The following DEGS1 variants were observed in gnomAD, a reference collection of about 807,000 sequenced individuals.
DEGS1 encodes delta 4-desaturase, sphingolipid 1, also known as sphingolipid delta(4)-desaturase DES1.
DEGS1 carries 17 observed loss-of-function variants against 24.1 expected under a neutral mutation model. That is an observed-to-expected ratio of 0.70 (90% CI 0.48 to 1.06). The LOEUF is 1.06. DEGS1 is among the 50% of genes least tolerant of loss of function. DEGS1 has a pLI of 0.00. For synonymous variants in DEGS1, 134 were observed against 140.0 expected, an observed-to-expected ratio of 0.96 and a Z score of 0.30; for missense variants, 366 against 408.9, an observed-to-expected ratio of 0.90 and a Z score of 0.91.
intron 1 of DEGS1, among the ~76,000 whole-genome samples, chr1:224,186,101 G>A (rs750903110): frequency 6.6e-6 from 1 of 151,852 alleles, no homozygotes. Flanking sequence ...TCAGGAGTTC[G>A]AGGCCAACCT....
intron 1 of DEGS1, among the ~76,000 whole-genome samples, chr1:224,189,079 T>C (rs1658466830): frequency 1.3e-5 from 2 of 152,198 alleles, no homozygotes; most frequent in South Asian, 4.1e-4. Context: ...TCCCTGATTA[T>C]ATTGGTAGCC....
At chr1:224,191,854 C>G (rs963032610) in intron 2 of DEGS1, among the ~76,000 whole-genome samples, 1 of 152,072 alleles carries the variant, frequency 6.6e-6, no homozygotes, top group African/African-American at 2.4e-5. Context: ...GCCTCGGCTT[C>G]CCAAAGTCCT....
chr1:224,187,398 A>T (rs749246814), intron 1 of DEGS1, among the ~76,000 whole-genome samples: 3 of 152,034 alleles, frequency 2.0e-5, no homozygotes, highest in African/African-American at 4.8e-5. Flanking sequence ...TTTTTGAGAG[A>T]GAGTCTCACT....
chr1:224,185,358 G>A (rs1658353556), intron 1 of DEGS1, among the ~76,000 whole-genome samples: 1 of 152,130 alleles, frequency 6.6e-6, no homozygotes, highest in South Asian at 2.1e-4. Context: ...TAGAGAAAGG[G>A]TCTTGCTTTG....
chr1:224,189,609 C>A lies in DEGS1; in HGVS notation c.115C>A (p.Pro39Thr), dbSNP rs749810295. 5 of 1,609,358 alleles carry A rather than the reference C, an allele frequency of 3.1e-6. No homozygotes were observed. The Admixed American group carries it at 8.5e-5, about 27-fold the overall frequency. ...KYPEIKSLMK[P>T]DPNLIWIIIM... is the part of the protein sequence containing the mutation. ...TCCAGAGATAAAGTCCTTGATGAAA[C>A]CTGATCCCAATTTGATATGGATTAT... Residue 39 changes from proline to threonine, a missense_variant, in exon 2 of 3, where the codon CCT (proline) becomes ACT (threonine). By Grantham distance (38) the Pro-to-Thr change is conservative. Transcript: ENST00000323699.
intron 1 of DEGS1, among the ~76,000 whole-genome samples, chr1:224,185,325 C>T (rs528107992): frequency 9.2e-5 from 14 of 152,224 alleles, no homozygotes; most frequent in African/African-American, 3.4e-4. Flanking sequence ...TCCTCCTCTT[C>T]TTCCTCCTCC....
Position 224,190,188 on chromosome 1 carries a change from G to A in DEGS1, c.694G>A (p.Glu232Lys). 1 of 1,565,998 alleles carries A rather than the reference G, an allele frequency of 6.4e-7. No individual in the cohort carries two copies. The highest frequency in any genetic ancestry group is 8.6e-7 in the Non-Finnish European group (1 of 1,159,860). The stretch of plus-strand genomic sequence containing the variant: ...CCCAATTTCTGGACATTTTATAGCT[G>A]AGCATTACATGTTCTTAAAGGGTCA... The part of the protein sequence containing the change: ...LHPISGHFIA[E>K]HYMFLKGHET... Residue 232 changes from glutamate to lysine, a missense_variant, in exon 2 of 3, where the codon GAG becomes AAG. Coordinates refer to ENST00000323699, the MANE Select transcript of DEGS1 (RefSeq NM_003676.4).
At chr1:224,188,963 G>C (rs1658463184) in intron 1 of DEGS1, among the ~76,000 whole-genome samples, 1 of 152,114 alleles carries the variant, frequency 6.6e-6, no homozygotes, top group Non-Finnish European at 1.5e-5. Context: ...TCTGTGATCT[G>C]TTTTGAGTTC....
chr1:224,184,782 T>C (rs1201909365), intron 1 of DEGS1, among the ~76,000 whole-genome samples: 1 of 151,854 alleles, frequency 6.6e-6, no homozygotes, highest in Non-Finnish European at 1.5e-5. Context: ...TCCCGAAGTT[T>C]TGGGATTACA....
At chr1:224,188,279 AAAT>A (rs772534043) in intron 1 of DEGS1, among the ~76,000 whole-genome samples, 1 of 152,166 alleles carries the variant, frequency 6.6e-6, no homozygotes, top group East Asian at 1.9e-4. Flanking sequence ...AGGTTCATTA[AAAT>A]AATATATTTT....
rs752015398 is a variant in DEGS1, at chr1:224,190,111, T to C, written c.617T>C (p.Ile206Thr). The C allele has an allele frequency of 1.9e-6, 3 of 1,613,550 alleles. No homozygotes were observed. The Admixed American group carries it at 5.0e-5, about 27-fold the overall frequency. ...FDILIYYFLG[I>T]KSLVYMLAAS... ...ATTTTAATTTATTACTTTTTGGGAA[T>C]TAAATCCTTAGTCTACATGTTGGCA... is the stretch of plus-strand genomic sequence containing the variant. Residue 206 changes from isoleucine to threonine, a missense_variant, in exon 2 of 3, where the codon ATT (isoleucine) becomes ACT (threonine). Physicochemically the swap from Ile to Thr is moderately conservative, Grantham distance 89 (BLOSUM62 -1). Coordinates refer to ENST00000323699, the MANE Select transcript of DEGS1 (RefSeq NM_003676.4).
chr1:224,183,533 C>A lies in DEGS1; in HGVS notation c.82+115C>A, dbSNP rs533597333. 2.7e-5 allele frequency: 21 copies of A among 783,736 alleles called. No homozygotes were observed. The South Asian group carries it at 1.2e-3, about 45-fold the overall frequency. The allele number at this position is 783,736 out of a possible 1,614,324, so 48.5% of individuals were successfully genotyped here. A position where few individuals can be genotyped will look rare whatever the true frequency, so the allele number is the denominator to read the frequency against. On this transcript the variant is annotated intron_variant, in intron 1 of 2. Transcript: ENST00000323699. Reference sequence around the variant, plus strand: ...GCGCCGGAGGCCCGTTAGCAGCCTGCTCCCCGTCGCGTCCCGTCGCCGCTC... The same window carrying A: ...GCGCCGGAGGCCCGTTAGCAGCCTGATCCCCGTCGCGTCCCGTCGCCGCTC...
rs535361911 is a variant in DEGS1 at position 224,186,523 on chromosome 1, C to G, written c.83-3054C>G. Reference sequence around the variant, plus strand: ...GGTCAGGAGATCGAGACCATCCTGGCTAACACGGTGAAACCCCATCTCTAC... The same window carrying G: ...GGTCAGGAGATCGAGACCATCCTGGGTAACACGGTGAAACCCCATCTCTAC... On this transcript the variant is annotated intron_variant, in intron 1 of 2. Coordinates refer to ENST00000323699, the MANE Select transcript of DEGS1 (RefSeq NM_003676.4). Among the ~76,000 whole-genome samples, 74 of 152,122 alleles carry G rather than the reference C, an allele frequency of 4.9e-4. 1 individual carries two copies. The highest frequency in any genetic ancestry group is 1.8e-3 in the Admixed American group (27 of 15,272).
chr1:224,190,444 A>G (rs1658508945), intron 2 of DEGS1, 125 bp downstream of exon 2: 7 of 780,854 alleles, frequency 9.0e-6, no homozygotes, highest in South Asian at 7.0e-5. Context: ...TGTAACCTCC[A>G]CCTCCCGGGT....
chr1:224,189,459 G>T, intron 1 of DEGS1, 118 bp from the exon 2 acceptor site: 1 of 722,192 alleles, frequency 1.4e-6, no homozygotes, highest in Non-Finnish European at 2.2e-6. Context: ...CTCTAGTAAA[G>T]GGAATATGAT....
chr1:224,183,504 G>A lies in DEGS1; in HGVS notation c.82+86G>A, dbSNP rs376334254. On this transcript the variant is annotated intron_variant, in intron 1 of 2. Transcript: ENST00000323699. ...CTCCCCTCGCGGGCCCTGCGCGGTC[G>A]TGGGCGCCGGAGGCCCGTTAGCAGC... 2,902 of 1,098,516 alleles carry A rather than the reference G, an allele frequency of 2.6e-3. 7 individuals carry two copies. Among genetic ancestry groups the A allele is most frequent in the Non-Finnish European group, 3.1e-3 (2,657 of 860,494 alleles). The allele number at this position is 1,098,516 out of a possible 1,614,324, so 68.0% of individuals were successfully genotyped here. A position where few individuals can be genotyped will look rare whatever the true frequency, so the allele number is the denominator to read the frequency against.
At chr1:224,189,488 G>A (rs553488273) in intron 1 of DEGS1, 89 bp from the exon 2 acceptor site, 3 of 979,694 alleles carry the variant, frequency 3.1e-6, no homozygotes, top group South Asian at 1.7e-5. Flanking sequence ...CAAATTTAAT[G>A]TGTTAGTTTA....
chr1:224,183,308 C>G lies in DEGS1; in HGVS notation c.-29C>G. On this transcript the variant is annotated 5_prime_UTR_variant, in exon 1 of 3. Coordinates refer to ENST00000323699, the MANE Select transcript of DEGS1 (RefSeq NM_003676.4). ...GCAGCCGGCTGGGAGCGAGAGCCGA[C>G]AGCTAGTCTGCAAGCCACCGCTGTC... The G allele has an allele frequency of 6.8e-7, 1 of 1,476,594 alleles. No homozygotes were observed. Among genetic ancestry groups the G allele is most frequent in the South Asian group, 1.3e-5 (1 of 76,510 alleles). 91.5% of individuals were successfully genotyped at this position (1,476,594 alleles called of 1,614,324 possible).
chr1:224,184,996 C>G (rs1658341389), intron 1 of DEGS1, among the ~76,000 whole-genome samples: 1 of 107,814 alleles, frequency 9.3e-6, no homozygotes, highest in Non-Finnish European at 2.0e-5. Flanking sequence ...CACACACACA[C>G]ACACACACAC....
Sources: gnomAD v4.1 joint callset for allele counts (sites outside exome capture counted in the v4.1 genomes callset) on GRCh38, gnomAD v4.1.1 for gene constraint, MANE v1.5 for transcripts, NCBI Gene and HGNC (gene_info 2026-07-23, HGNC 2026-07-21) for gene names.